The following HDAC9 variants were observed in gnomAD, a reference collection of about 807,000 sequenced individuals.
The protein encoded by HDAC9 is MEF-2 interacting transcription repressor (MITR) protein.
Under a neutral mutation model 139.4 loss-of-function variants are expected in HDAC9, and 41 were observed. That is an observed-to-expected ratio of 0.29 (90% CI 0.23 to 0.38). HDAC9 has a LOEUF of 0.38. Ranked by LOEUF, HDAC9 falls within the 10% of genes least tolerant of loss-of-function variation. The pLI is 1.00. For missense variants in HDAC9, 1,147 were observed against 1,297.0 expected (o/e 0.88, Z 1.78); for synonymous variants, 517 against 476.2 (o/e 1.09, Z -1.12).
chr7:18,165,048 G>A (rs1405835547), intron 2 of HDAC9, among the ~76,000 whole-genome samples: 1 of 152,124 alleles, frequency 6.6e-6, no homozygotes, highest in African/African-American at 2.4e-5. Flanking sequence ...TCCATTTAGT[G>A]TCTTAAGTAT....
At chr7:18,492,060 T>G (rs1796409248), upstream of HDAC9, among the ~76,000 whole-genome samples, 1 of 152,108 alleles carries the variant, frequency 6.6e-6, no homozygotes, top group African/African-American at 2.4e-5. Flanking sequence ...CCGCCTAACA[T>G]GATGCAACTA....
chr7:18,631,950 G>T (rs1782483992), intron 7 of HDAC9, among the ~76,000 whole-genome samples: 1 of 151,786 alleles, frequency 6.6e-6, no homozygotes, highest in South Asian at 2.1e-4. Context: ...TTATCACAGT[G>T]ATTTCTACAT....
chr7:18,115,440 C>T (rs964745519), intron 1 of HDAC9, among the ~76,000 whole-genome samples: 8 of 152,228 alleles, frequency 5.3e-5, no homozygotes, highest in Middle Eastern at 3.4e-3. Flanking sequence ...TGCACAAGTG[C>T]ATGAAAAGCC....
chr7:18,329,379 T>C (rs1234629559), intron 1 of HDAC9, among the ~76,000 whole-genome samples: 1 of 151,860 alleles, frequency 6.6e-6, no homozygotes, highest in East Asian at 1.9e-4. Flanking sequence ...GATGCATCTT[T>C]CTACAATGTA....
At chr7:18,789,615 T>C (rs1281262197) in intron 16 of HDAC9, among the ~76,000 whole-genome samples, 2 of 152,152 alleles carry the variant, frequency 1.3e-5, no homozygotes, top group African/African-American at 4.8e-5. Context: ...GCCACTGTCC[T>C]TCAACTTCCA....
At chr7:18,150,103 A>G (rs956240820) in intron 1 of HDAC9, among the ~76,000 whole-genome samples, 6 of 151,036 alleles carry the variant, frequency 4.0e-5, no homozygotes, top group African/African-American at 1.5e-4. Context: ...AAGTGCACAA[A>G]TATTTTAATT....
At chr7:18,231,125 T>TG (rs1402270063) in intron 2 of HDAC9, among the ~76,000 whole-genome samples, 1 of 152,112 alleles carries the variant, frequency 6.6e-6, no homozygotes, top group Admixed American at 6.5e-5. Flanking sequence ...CTTCAGAAAA[T>TG]GTAACATATA....
chr7:18,185,563 C>T (rs1195422773), intron 2 of HDAC9, among the ~76,000 whole-genome samples: 1 of 152,146 alleles, frequency 6.6e-6, no homozygotes, highest in African/African-American at 2.4e-5. Flanking sequence ...AAATTAATCT[C>T]ATTTAAATAT....
At chr7:18,257,501 AG>A (rs1476886489) in intron 2 of HDAC9, among the ~76,000 whole-genome samples, 1 of 152,016 alleles carries the variant, frequency 6.6e-6, no homozygotes, top group East Asian at 1.9e-4. Flanking sequence ...CCAGGTGCTA[AG>A]GTACTATCCA....
intron 24 of HDAC9, among the ~76,000 whole-genome samples, chr7:18,963,767 C>T (rs781659671): frequency 2.0e-5 from 3 of 152,114 alleles, no homozygotes; most frequent in Non-Finnish European, 4.4e-5. Flanking sequence ...CACTAGCAAG[C>T]GTTATCTCTG....
At chr7:18,562,864 A>C (rs1018808473) in intron 2 of HDAC9, among the ~76,000 whole-genome samples, 5 of 152,138 alleles carry the variant, frequency 3.3e-5, no homozygotes, top group African/African-American at 1.2e-4. Context: ...ATAATATTAA[A>C]TATTTAACCT....
At chr7:18,784,241 T>C (rs1791497697) in intron 16 of HDAC9, among the ~76,000 whole-genome samples, 1 of 151,918 alleles carries the variant, frequency 6.6e-6, no homozygotes, top group South Asian at 2.1e-4. Context: ...TCCTCTCCTC[T>C]CCTTTTCTTC....
chr7:18,104,228 A>C (rs1056829848), intron 1 of HDAC9, among the ~76,000 whole-genome samples: 1 of 145,428 alleles, frequency 6.9e-6, no homozygotes, highest in African/African-American at 2.5e-5. Flanking sequence ...CCTGCTGTAC[A>C]TTGTTCCCAT....
At chr7:18,092,646 G>T (rs1782245071) in intron 1 of HDAC9, among the ~76,000 whole-genome samples, 1 of 152,160 alleles carries the variant, frequency 6.6e-6, no homozygotes, top group Non-Finnish European at 1.5e-5. Context: ...GTCCACTGCT[G>T]AGGGAAAGAA....
intron 21 of HDAC9, among the ~76,000 whole-genome samples, chr7:18,854,326 T>C (rs928287360): frequency 4.6e-5 from 7 of 152,204 alleles, no homozygotes; most frequent in Non-Finnish European, 8.8e-5. Context: ...TGATATATCA[T>C]TTACTGTCAT....
chr7:18,795,725 T>G (rs926779327), intron 17 of HDAC9, among the ~76,000 whole-genome samples: 1 of 152,166 alleles, frequency 6.6e-6, no homozygotes, highest in African/African-American at 2.4e-5. Context: ...AAAGTAGAAC[T>G]CACAAATGAT....
At chr7:18,541,625 A>G (rs1373250239) in intron 2 of HDAC9, among the ~76,000 whole-genome samples, 1 of 152,158 alleles carries the variant, frequency 6.6e-6, no homozygotes, top group Non-Finnish European at 1.5e-5. Flanking sequence ...ATTATGTGGA[A>G]TTTTGTTTAG....
intron 25 of HDAC9, among the ~76,000 whole-genome samples, chr7:18,984,586 T>C (rs960318592): frequency 1.3e-5 from 2 of 151,970 alleles, no homozygotes; most frequent in Non-Finnish European, 2.9e-5. Flanking sequence ...TTAATCATGG[T>C]AGAGGAAATG....
In HDAC9 at chr7:18,799,038, A is replaced by AAC. The variant is rs1491338239; in HGVS notation, c.2322+5587_2322+5588insCA. Reference sequence around the variant, plus strand: ...TGGCTAAATATTTAAAATGTGCCCTAAGACACACACACACACACACACACA... The same window carrying AAC: ...TGGCTAAATATTTAAAATGTGCCCTAACAGACACACACACACACACACACACA... On this transcript the variant is annotated intron_variant, in intron 17 of 25. Transcript: ENST00000686413. 1.7e-3 allele frequency among the ~76,000 whole-genome samples: 250 copies of AAC among 143,630 alleles called. 2 individuals are homozygous for AAC. The highest frequency in any genetic ancestry group is 5.1e-3 in the African/African-American group (196 of 38,132). The allele number at this position is 143,630 out of a possible 152,430, so 94.2% of individuals were successfully genotyped here. A position where few individuals can be genotyped will look rare whatever the true frequency, so the allele number is the denominator to read the frequency against.
Sources: allele counts gnomAD v4.1 joint callset (sites outside exome capture counted in the v4.1 genomes callset), GRCh38; gene constraint gnomAD v4.1.1; transcripts MANE v1.5; gene names NCBI Gene and HGNC (gene_info 2026-07-23, HGNC 2026-07-21).